SPTLC2: variants seen among roughly 807,000 people sequenced by gnomAD.
SPTLC2 encodes the protein serine palmitoyltransferase 2.
In SPTLC2, 21 loss-of-function variants were observed where a neutral mutation model predicts 62.0. The observed-to-expected ratio is 0.34, with a 90% confidence interval of 0.24 to 0.49. SPTLC2 has a LOEUF of 0.49. Among genes scored for constraint, SPTLC2 ranks in the 20% least tolerant of loss-of-function variants. The pLI is 0.99. For missense variants in SPTLC2, 511 were observed against 713.0 expected (o/e 0.72, Z 3.23); for synonymous variants, 261 against 261.8 (o/e 1.00, Z 0.03).
At position 77,511,806 on chromosome 14, in the gene SPTLC2, G is replaced by C; in HGVS notation, c.*478C>G. ...TGAATGGTTAAATAAGGATTCCAAGGTTGGCCTTGAGACCTCTGAGACCTG... is the reference window on the plus strand; with the variant it reads ...TGAATGGTTAAATAAGGATTCCAAGCTTGGCCTTGAGACCTCTGAGACCTG... On this transcript the variant is annotated 3_prime_UTR_variant, in exon 12 of 12. Coordinates refer to ENST00000216484, the MANE Select transcript of SPTLC2 (RefSeq NM_004863.4). The C allele has an allele frequency of 5.1e-6, 1 of 194,972 alleles. No homozygotes were observed. Among genetic ancestry groups the C allele is most frequent in the Non-Finnish European group, 1.1e-5 (1 of 92,790 alleles). 12.1% of individuals were successfully genotyped at this position (194,972 alleles called of 1,614,324 possible). A position where few individuals can be genotyped will look rare whatever the true frequency, so the allele number is the denominator to read the frequency against.
At chr14:77,611,619 A>G (rs553937060) in intron 1 of SPTLC2, among the ~76,000 whole-genome samples, 2 of 152,274 alleles carry the variant, frequency 1.3e-5, no homozygotes, top group East Asian at 3.9e-4. Flanking sequence ...TGAGGTCAGG[A>G]GTTCGAGACC....
chr14:77,587,545 T>C (rs529546938), intron 2 of SPTLC2, among the ~76,000 whole-genome samples: 2 of 144,618 alleles, frequency 1.4e-5, no homozygotes, highest in Non-Finnish European at 3.1e-5. Flanking sequence ...GGCAGGTGGA[T>C]CACCTGAGGT....
intron 2 of SPTLC2, among the ~76,000 whole-genome samples, chr14:77,596,882 C>G (rs923463016): frequency 3.9e-5 from 6 of 152,224 alleles, no homozygotes; most frequent in Non-Finnish European, 5.9e-5. Flanking sequence ...CACACAGCAG[C>G]TCTGACACCT....
intron 2 of SPTLC2, among the ~76,000 whole-genome samples, chr14:77,579,566 T>C (rs112971089): frequency 1.3e-5 from 2 of 152,028 alleles, no homozygotes; most frequent in Admixed American, 1.3e-4. Context: ...CTGGGCAACA[T>C]AGCGAGACTC....
chr14:77,564,400 TACACACACACAC>T (rs6145397), intron 5 of SPTLC2, among the ~76,000 whole-genome samples: 17,524 of 139,110 alleles, frequency 0.13, 1,176 homozygotes, highest in South Asian at 0.19. Context: ...TATGCATGCA[TACACACACACAC>T]ACACACACAC....
intron 9 of SPTLC2, among the ~76,000 whole-genome samples, chr14:77,534,868 C>T (rs1358514888): frequency 6.6e-6 from 1 of 152,106 alleles, no homozygotes; most frequent in Non-Finnish European, 1.5e-5. Context: ...AGATGGACAA[C>T]AAACAAAATT....
At chr14:77,567,513 T>A (rs1215383042) in intron 5 of SPTLC2, among the ~76,000 whole-genome samples, 1 of 152,244 alleles carries the variant, frequency 6.6e-6, no homozygotes, top group African/African-American at 2.4e-5. Context: ...TTTATCTAAG[T>A]TGTTGAATAT....
intron 11 of SPTLC2, among the ~76,000 whole-genome samples, chr14:77,513,488 G>A (rs1338048815): frequency 3.3e-5 from 5 of 152,170 alleles, no homozygotes; most frequent in Admixed American, 6.5e-5. Context: ...TCTGAGAAGA[G>A]GTATAAGTGA....
chr14:77,605,489 T>G (rs991451609), intron 1 of SPTLC2, among the ~76,000 whole-genome samples: 2 of 152,226 alleles, frequency 1.3e-5, no homozygotes, highest in East Asian at 3.8e-4. Context: ...CTGTCTTCTA[T>G]GCATAGCAAA....
chr14:77,566,253 A>C (rs1012112291), intron 5 of SPTLC2, among the ~76,000 whole-genome samples: 1 of 152,220 alleles, frequency 6.6e-6, no homozygotes, highest in African/African-American at 2.4e-5. Context: ...ACTTATTCTT[A>C]AGCTTTATTA....
At chr14:77,558,261 G>C (rs956635048) in intron 6 of SPTLC2, among the ~76,000 whole-genome samples, 1 of 152,114 alleles carries the variant, frequency 6.6e-6, no homozygotes, top group Non-Finnish European at 1.5e-5. Context: ...GGCCAGGCTT[G>C]TCTTGAACTT....
chr14:77,563,773 A>G lies in SPTLC2; in HGVS notation c.757-1284T>C, dbSNP rs1178069063. Among the ~76,000 whole-genome samples the G allele has an allele frequency of 5.3e-5, 8 of 152,316 alleles. No homozygotes were observed. In the East Asian group the frequency reaches 1.5e-3, roughly 29 times the overall value. On this transcript the variant is annotated intron_variant, in intron 5 of 11. Coordinates refer to ENST00000216484, the MANE Select transcript of SPTLC2 (RefSeq NM_004863.4). The stretch of plus-strand genomic sequence containing the variant: ...ATTTGGTTGAAAAAAATCCACGTGT[A>G]AGTGGACCTGCATGGTTCAAACCAT...
intron 5 of SPTLC2, among the ~76,000 whole-genome samples, 162 bp downstream of exon 5, chr14:77,570,222 C>A (rs1286643271): frequency 7.8e-4 from 87 of 111,332 alleles, no homozygotes; most frequent in African/African-American, 1.2e-3. Flanking sequence ...GACTCCATCT[C>A]AAAAAAAAAA....
chr14:77,528,334 C>G (rs2139999035), intron 9 of SPTLC2, among the ~76,000 whole-genome samples: 1 of 152,078 alleles, frequency 6.6e-6, no homozygotes, highest in African/African-American at 2.4e-5. Context: ...CGGGTTCAGG[C>G]AATTCTCCTG....
intron 9 of SPTLC2, among the ~76,000 whole-genome samples, chr14:77,534,888 T>C (rs755874401): frequency 6.6e-6 from 1 of 151,680 alleles, no homozygotes; most frequent in Non-Finnish European, 1.5e-5. Context: ...TAATACTCAC[T>C]AAAGAAGTGT....
intron 9 of SPTLC2, among the ~76,000 whole-genome samples, chr14:77,540,278 GAAT>G (rs1160282919): frequency 6.7e-6 from 1 of 150,228 alleles, no homozygotes; most frequent in Admixed American, 6.7e-5. Context: ...AGCAATAAAG[GAAT>G]AATATGCCTT....
chr14:77,556,954 G>C (rs2079587466), intron 7 of SPTLC2, 87 bp downstream of exon 7: 6 of 1,031,536 alleles, frequency 5.8e-6, no homozygotes, highest in Non-Finnish European at 9.1e-6. Flanking sequence ...TTTCCAGAGG[G>C]GGATAGACTA....
intron 9 of SPTLC2, among the ~76,000 whole-genome samples, chr14:77,532,613 T>A (rs1180882324): frequency 6.6e-6 from 1 of 151,854 alleles, no homozygotes; most frequent in Non-Finnish European, 1.5e-5. Flanking sequence ...TGAAAGCCCA[T>A]CTCTGCTAAA....
chr14:77,561,071 G>A (rs1157582815), intron 6 of SPTLC2, among the ~76,000 whole-genome samples: 1 of 150,564 alleles, frequency 6.6e-6, no homozygotes, highest in Non-Finnish European at 1.5e-5. Context: ...ATTTGGAAAA[G>A]TATTAAAAAT....
Sources: allele counts gnomAD v4.1 joint callset (sites outside exome capture counted in the v4.1 genomes callset), GRCh38; gene constraint gnomAD v4.1.1; transcripts MANE v1.5; gene names NCBI Gene and HGNC (gene_info 2026-07-23, HGNC 2026-07-21).